The following DMBT1 variants were observed in gnomAD, a reference collection of about 807,000 sequenced individuals.
DMBT1 encodes the protein scavenger receptor cysteine-rich domain-containing protein DMBT1.
Under a neutral mutation model 252.9 loss-of-function variants are expected in DMBT1, and 198 were observed. The observed-to-expected ratio is 0.78, with a 90% CI of 0.70 to 0.88. DMBT1 has a LOEUF of 0.88. Among genes scored for constraint, DMBT1 ranks in the 40% least tolerant of loss-of-function variants. The pLI, the probability that DMBT1 is intolerant of heterozygous loss-of-function variation, is 0.00. For synonymous variants in DMBT1, 990 were observed against 942.7 expected (o/e 1.05, Z -0.92); for missense variants, 2,432 against 2,404.7 (o/e 1.01, Z -0.24).
At chr10:122,619,227 C>T (rs2098036328) in intron 41 of DMBT1, 81 bp from the exon 42 acceptor site, 3 of 1,577,536 alleles carry the variant, frequency 1.9e-6, no homozygotes, top group Admixed American at 3.3e-5. Context: ...TCAGGCTTGC[C>T]CAGTTCCTTC....
At position 122,634,411 on chromosome 10, in the gene DMBT1, T is replaced by C. The variant is rs867379483; in HGVS notation, c.6548+1070T>C. On this transcript the variant is annotated intron_variant, in intron 52 of 55. Transcript: ENST00000338354. ...TTCTTTCTTTCTTTCTTTTCTTTCT[T>C]TCTCTCTCTCTCTCTCTCTTCTCTC... Among the ~76,000 whole-genome samples the C allele has an allele frequency of 2.3e-3, 227 of 99,854 alleles. 1 individual carries two copies. Among genetic ancestry groups the C allele is most frequent in the African/African-American group, 9.6e-3 (210 of 21,796 alleles). The allele number at this position is 99,854 out of a possible 152,430, so 65.5% of individuals were successfully genotyped here. A position where few individuals can be genotyped will look rare whatever the true frequency, so the allele number is the denominator to read the frequency against.
chr10:122,592,674 C>T lies in DMBT1; in HGVS notation c.2500+79C>T. 3.8e-6 allele frequency: 6 copies of T among 1,567,316 alleles called. 1 individual carries two copies. The South Asian group carries it at 7.2e-5, about 19-fold the overall frequency. ...GAAAATCCTAATTACATTCTGATCT[C>T]CTCACTCAAAGATTCTTCTATGTTT... On this transcript the variant is annotated intron_variant, in intron 20 of 55. Coordinates refer to ENST00000338354, the MANE Select transcript of DMBT1 (RefSeq NM_001377530.1).
chr10:122,575,320 T>C (rs1277827378), intron 6 of DMBT1, among the ~76,000 whole-genome samples: 2 of 152,136 alleles, frequency 1.3e-5, no homozygotes. Flanking sequence ...TCAGAGTGAG[T>C]ATGTTGGTAC....
chr10:122,631,705 G>A lies in DMBT1; in HGVS notation c.6347-150G>A. ...AGGGAGCATCTGGGGAAGCTGGGAA[G>A]GCTTCTCAATAGCAATTGCTGGGTG... On this transcript the variant is annotated intron_variant, in intron 49 of 55. Transcript: ENST00000338354. 4 of 756,470 alleles carry A rather than the reference G, an allele frequency of 5.3e-6. No individual in the cohort carries two copies. In the Admixed American group the frequency reaches 8.8e-5, roughly 17 times the overall value. 46.9% of individuals were successfully genotyped at this position (756,470 alleles called of 1,614,324 possible). A position where few individuals can be genotyped will look rare whatever the true frequency, so the allele number is the denominator to read the frequency against.
At chr10:122,617,786 G>T (rs767461485) in intron 40 of DMBT1, among the ~76,000 whole-genome samples, 6 of 151,590 alleles carry the variant, frequency 4.0e-5, no homozygotes, top group Admixed American at 6.6e-5. Flanking sequence ...GTCACTTCCA[G>T]TGGGGTCACA....
At chr10:122,570,068 C>A in intron 2 of DMBT1, 94 bp from the exon 3 acceptor site, 2 of 1,191,182 alleles carry the variant, frequency 1.7e-6, no homozygotes, top group Non-Finnish European at 2.5e-6. Flanking sequence ...TAGGCCCTGG[C>A]TTCCAGTTCT....
chr10:122,618,926 G>GTC (rs1439588047), intron 41 of DMBT1, among the ~76,000 whole-genome samples: 1 of 152,260 alleles, frequency 6.6e-6, no homozygotes, highest in East Asian at 1.9e-4. Context: ...GCCCCCATGA[G>GTC]TCTGGCCAGG....
intron 1 of DMBT1, among the ~76,000 whole-genome samples, chr10:122,564,632 ATT>A (rs34136647): frequency 6.7e-6 from 1 of 149,302 alleles, no homozygotes; most frequent in Admixed American, 6.7e-5. Flanking sequence ...CATCACATGT[ATT>A]TTTTTTTTTT....
At chr10:122,577,943 G>A (rs2097727585) in intron 8 of DMBT1, 103 bp downstream of exon 8, 8 of 1,316,004 alleles carry the variant, frequency 6.1e-6, no homozygotes, top group Middle Eastern at 2.0e-4. Context: ...ATACTCTGGG[G>A]CATATTATTT....
intron 10 of DMBT1, among the ~76,000 whole-genome samples, chr10:122,580,630 G>A (rs1234796451): frequency 6.6e-6 from 1 of 152,078 alleles, no homozygotes; most frequent in Non-Finnish European, 1.5e-5. Context: ...GGTCAACCGG[G>A]TTACCCTGGG....
intron 1 of DMBT1, among the ~76,000 whole-genome samples, chr10:122,562,742 C>T (rs2981754): frequency 0.67 from 101,993 of 152,140 alleles, 34,554 homozygotes; most frequent in East Asian, 0.77. Context: ...GACATGCACA[C>T]ATGTGCATGC....
chr10:122,621,676 C>A (rs898515785), intron 44 of DMBT1, among the ~76,000 whole-genome samples: 7 of 152,168 alleles, frequency 4.6e-5, no homozygotes, highest in Non-Finnish European at 2.9e-5. Flanking sequence ...TTCTCCCCTA[C>A]TGAGTAGCAC....
At chr10:122,564,464 T>G (rs779398508) in intron 1 of DMBT1, among the ~76,000 whole-genome samples, 1 of 152,156 alleles carries the variant, frequency 6.6e-6, no homozygotes, top group Non-Finnish European at 1.5e-5. Flanking sequence ...ATCTGATAAT[T>G]TTGTCAAATG....
chr10:122,617,527 C>T (rs1442457278), intron 40 of DMBT1, among the ~76,000 whole-genome samples: 4 of 151,636 alleles, frequency 2.6e-5, no homozygotes, highest in South Asian at 2.1e-4. Flanking sequence ...GGAAGGCTCC[C>T]TAATCCTGCT....
At chr10:122,620,477 T>G (rs536956531) in intron 43 of DMBT1, among the ~76,000 whole-genome samples, 186 bp downstream of exon 43, 1 of 152,298 alleles carries the variant, frequency 6.6e-6, no homozygotes, top group South Asian at 2.1e-4. Context: ...AGGGTGCTGG[T>G]GACCTGTCTC....
intron 44 of DMBT1, among the ~76,000 whole-genome samples, chr10:122,624,213 T>C (rs2098097673): frequency 6.6e-6 from 1 of 152,150 alleles, no homozygotes; most frequent in African/African-American, 2.4e-5. Flanking sequence ...TGCAGATCCA[T>C]GCTGATGGCT....
chr10:122,598,109 C>T (rs926992893), intron 25 of DMBT1, 97 bp downstream of exon 25: 46 of 1,564,132 alleles, frequency 2.9e-5, no homozygotes, highest in Non-Finnish European at 3.7e-5. Flanking sequence ...GTGGGCCCCT[C>T]TCTTTTTCAT....
chr10:122,639,558 G>T (rs1205190192), intron 54 of DMBT1, among the ~76,000 whole-genome samples: 1 of 152,122 alleles, frequency 6.6e-6, no homozygotes, highest in Non-Finnish European at 1.5e-5. Context: ...AATTTCACAA[G>T]GTAACGTCAT....
Position 122,599,037 on chromosome 10 carries a change from C to A in DMBT1, c.3220C>A (p.His1074Asn), listed in dbSNP as rs750842759. The A allele has an allele frequency of 2.7e-5, 43 of 1,613,674 alleles. No individual in the cohort carries two copies. The highest frequency in any genetic ancestry group is 3.6e-5 in the Non-Finnish European group (42 of 1,179,752). The change falls in exon 26 of 56, where the codon CAC (histidine) becomes AAC (asparagine). Residue 1074 changes from histidine (H) to asparagine (N), a missense_variant. This residue lies in a region of DMBT1 where 1,264 missense variants were observed against 1,082.2 expected (regional missense o/e 1.17). Coordinates refer to ENST00000338354, the MANE Select transcript of DMBT1 (RefSeq NM_001377530.1). Reference sequence around the variant, plus strand: ...CGAGTCTTACCTGTGGAGCTGCCCCCACAATGGCTGGCTCTCCCACAACTG... The same window carrying A: ...CGAGTCTTACCTGTGGAGCTGCCCCAACAATGGCTGGCTCTCCCACAACTG... ...GHESYLWSCPHNGWLSHNCGH... is the reference protein window; with the variant it reads ...GHESYLWSCPNNGWLSHNCGH...
Sources: gnomAD v4.1 joint callset for allele counts (sites outside exome capture counted in the v4.1 genomes callset) on GRCh38, gnomAD v4.1.1 for gene constraint, gnomAD v4.1.1 regional missense constraint, MANE v1.5 for transcripts, NCBI Gene and HGNC (gene_info 2026-07-23, HGNC 2026-07-21) for gene names.